PDE1C: variants seen among roughly 807,000 people sequenced by gnomAD.
PDE1C encodes dual specificity calcium/calmodulin-dependent 3',5'-cyclic nucleotide phosphodiesterase 1C.
Under a neutral mutation model 93.1 loss-of-function variants are expected in PDE1C, and 62 were observed. The observed-to-expected ratio is 0.67, with a 90% CI of 0.54 to 0.82. The LOEUF is 0.82. Among genes scored for constraint, PDE1C ranks in the 40% least tolerant of loss-of-function variants. PDE1C has a pLI of 0.00. For synonymous variants in PDE1C, 325 were observed against 310.1 expected (o/e 1.05, Z -0.50); for missense variants, 742 against 884.6 (o/e 0.84, Z 2.04).
intron 1 of PDE1C, among the ~76,000 whole-genome samples, chr7:32,381,688 G>A (rs1784537878): frequency 6.6e-6 from 1 of 152,162 alleles, no homozygotes; most frequent in African/African-American, 2.4e-5. Context: ...AGGCAGAGAG[G>A]CTTTCCCTGG....
At chr7:31,792,557 A>G (rs76140731) in intron 16 of PDE1C, among the ~76,000 whole-genome samples, 2,027 of 152,224 alleles carry the variant, frequency 0.013, 18 homozygotes, top group Non-Finnish European at 0.02. Context: ...TACATTCCCT[A>G]TGAAGAAACC....
chr7:32,219,288 G>A (rs1331169126), intron 1 of PDE1C, among the ~76,000 whole-genome samples: 1 of 152,180 alleles, frequency 6.6e-6, no homozygotes, highest in Non-Finnish European at 1.5e-5. Context: ...GGAGAGGAAA[G>A]GGGTGTGGTG....
upstream of PDE1C, among the ~76,000 whole-genome samples, chr7:32,074,985 T>C (rs745664796): frequency 6.6e-6 from 1 of 152,102 alleles, no homozygotes; most frequent in Admixed American, 6.6e-5. Context: ...ATCTAAACAG[T>C]GAGAGGCATG....
chr7:31,690,381 T>G, the PDE1C span, among the ~76,000 whole-genome samples: 1 of 152,176 alleles, frequency 6.6e-6, no homozygotes, highest in Non-Finnish European at 1.5e-5. Context: ...ATGAGGAAAC[T>G]CAGGGTAAGC....
chr7:32,024,399 A>ATGTGTG (rs143690061), intron 2 of PDE1C, among the ~76,000 whole-genome samples: 38 of 149,104 alleles, frequency 2.5e-4, no homozygotes, highest in African/African-American at 8.8e-4. Flanking sequence ...CAATATACAT[A>ATGTGTG]TGTGTGTGTG....
At chr7:31,641,562 C>T in the PDE1C span, among the ~76,000 whole-genome samples, 20 of 152,272 alleles carry the variant, frequency 1.3e-4, no homozygotes, top group Middle Eastern at 3.4e-3. Flanking sequence ...TTAATATTTA[C>T]GTAAGAATCT....
the PDE1C span, among the ~76,000 whole-genome samples, chr7:31,641,972 C>G: frequency 6.6e-6 from 1 of 152,086 alleles, no homozygotes; most frequent in African/African-American, 2.4e-5. Context: ...TTCTTTGTAT[C>G]AGGAAACCAG....
intron 16 of PDE1C, among the ~76,000 whole-genome samples, chr7:31,802,105 C>A (rs1216725858): frequency 1.3e-5 from 2 of 151,386 alleles, no homozygotes; most frequent in African/African-American, 4.8e-5. Context: ...CTGTGATCTT[C>A]CTATTTGTTT....
chr7:31,635,945 T>TA, the PDE1C span, among the ~76,000 whole-genome samples: 14 of 152,206 alleles, frequency 9.2e-5, no homozygotes, highest in African/African-American at 2.9e-4. Flanking sequence ...TAATTTTTTT[T>TA]AAAAAAAGAA....
chr7:31,623,829 T>C, the PDE1C span, among the ~76,000 whole-genome samples: 7 of 152,176 alleles, frequency 4.6e-5, no homozygotes, highest in Non-Finnish European at 7.3e-5. Flanking sequence ...GCAAGTCAAA[T>C]TGTCCCTGTT....
intron 1 of PDE1C, among the ~76,000 whole-genome samples, chr7:32,384,607 A>G (rs1488023339): frequency 6.6e-6 from 1 of 152,186 alleles, no homozygotes; most frequent in African/African-American, 2.4e-5. Context: ...AGTCAGATGC[A>G]AGGAGTGGAG....
At chr7:31,997,914 T>C (rs1338059590) in intron 2 of PDE1C, among the ~76,000 whole-genome samples, 1 of 152,206 alleles carries the variant, frequency 6.6e-6, no homozygotes, top group African/African-American at 2.4e-5. Flanking sequence ...TTGGAATATA[T>C]GAGAATAAAT....
intron 2 of PDE1C, among the ~76,000 whole-genome samples, chr7:31,894,049 GCTTTAGA>G (rs1170426446): frequency 6.6e-6 from 1 of 152,098 alleles, no homozygotes; most frequent in Non-Finnish European, 1.5e-5. Context: ...GCTTTATTGA[GCTTTAGA>G]CTCTGACTTG....
At chr7:31,847,864 A>G in intron 9 of PDE1C, 104 bp downstream of exon 9, 2 of 1,204,866 alleles carry the variant, frequency 1.7e-6, no homozygotes, top group Non-Finnish European at 2.4e-6. Context: ...AGCAACACGA[A>G]TCAACATTTT....
chr7:32,108,022 A>G (rs1798425647), intron 3 of PDE1C, among the ~76,000 whole-genome samples: 1 of 151,618 alleles, frequency 6.6e-6, no homozygotes, highest in Non-Finnish European at 1.5e-5. Flanking sequence ...GATAAAAAAT[A>G]AAATAAAATT....
the PDE1C span, among the ~76,000 whole-genome samples, chr7:31,741,137 G>A: frequency 6.6e-6 from 1 of 150,886 alleles, no homozygotes; most frequent in Non-Finnish European, 1.5e-5. Flanking sequence ...ATAATATAAT[G>A]TTGTTTTGAT....
intron 1 of PDE1C, among the ~76,000 whole-genome samples, chr7:32,261,603 G>T (rs1810207383): frequency 6.6e-6 from 1 of 152,120 alleles, no homozygotes. Context: ...ATTTACAGTG[G>T]GATTGACAGA....
At chr7:32,018,336 C>T (rs1425445200) in intron 2 of PDE1C, among the ~76,000 whole-genome samples, 3 of 151,960 alleles carry the variant, frequency 2.0e-5, no homozygotes, top group Non-Finnish European at 2.9e-5. Flanking sequence ...GAAATGAAAA[C>T]TAAAAACATA....
At chr7:31,819,239 A>G (rs991026384) in intron 14 of PDE1C, among the ~76,000 whole-genome samples, 1 of 152,162 alleles carries the variant, frequency 6.6e-6, no homozygotes, top group African/African-American at 2.4e-5. Flanking sequence ...ATGACACCCA[A>G]AGTGGTACAA....
Sources: gnomAD v4.1 joint callset for allele counts (sites outside exome capture counted in the v4.1 genomes callset) on GRCh38, gnomAD v4.1.1 for gene constraint, MANE v1.5 for transcripts, NCBI Gene and HGNC (gene_info 2026-07-23, HGNC 2026-07-21) for gene names.